SRRM1: variants seen among roughly 807,000 people sequenced by gnomAD.
The protein encoded by SRRM1 is serine and arginine repetitive matrix 1.
In SRRM1, 19 loss-of-function variants were observed where a neutral mutation model predicts 110.2. That is an observed-to-expected ratio of 0.17 (90% CI 0.12 to 0.25). The LOEUF (loss-of-function observed/expected upper bound fraction) is 0.25, where lower values mean the gene tolerates loss of function less well. Among genes scored for constraint, SRRM1 ranks in the 10% least tolerant of loss-of-function variants. The pLI, the probability that SRRM1 is intolerant of heterozygous loss-of-function variation, is 1.00. For missense variants in SRRM1, 918 were observed against 1,145.8 expected, an observed-to-expected ratio of 0.80 and a Z score of 2.87; for synonymous variants, 443 against 414.9, an observed-to-expected ratio of 1.07 and a Z score of -0.82.
intron 3 of SRRM1, 106 bp downstream of exon 3, chr1:24,646,895 C>A: frequency 1.1e-6 from 1 of 911,226 alleles, no homozygotes; most frequent in Non-Finnish European, 1.6e-6. Context: ...GGTTATTTTA[C>A]AATGTTTGTT....
chr1:24,654,328 A>G, intron 8 of SRRM1: 2 of 1,289,818 alleles, frequency 1.6e-6, no homozygotes, highest in Non-Finnish European at 2.0e-6. Context: ...TCTTCCGCCA[A>G]AGGTGAATTC....
At chr1:24,655,733 A>G (rs541677159) in intron 9 of SRRM1, among the ~76,000 whole-genome samples, 30 of 152,228 alleles carry the variant, frequency 2.0e-4, no homozygotes, top group African/African-American at 7.0e-4. Flanking sequence ...GTTGTGGTCT[A>G]TTGGGGTTTG....
intron 1 of SRRM1, among the ~76,000 whole-genome samples, chr1:24,644,223 T>A (rs557054310): frequency 4.6e-5 from 7 of 152,164 alleles, no homozygotes; most frequent in Middle Eastern, 3.2e-3. Context: ...GCCCACACTT[T>A]ATCAGGCTCG....
At chr1:24,652,029 A>AGTATATATATATATATATAT (rs1661006949) in intron 6 of SRRM1, among the ~76,000 whole-genome samples, 2 of 79,846 alleles carry the variant, frequency 2.5e-5, no homozygotes, top group African/African-American at 8.5e-5. Flanking sequence ...CTGTACTAAA[A>AGTATATATATATATATATAT]ATATATATAT....
chr1:24,663,299 CCTCAT>C (rs1668185689), intron 12 of SRRM1: 1 of 1,149,796 alleles, frequency 8.7e-7, no homozygotes, highest in Admixed American at 2.5e-5. Flanking sequence ...ATTTAGGTGA[CCTCAT>C]CTCATTCTTA....
intron 15 of SRRM1, among the ~76,000 whole-genome samples, chr1:24,670,544 C>T (rs1672190517): frequency 6.6e-6 from 1 of 152,190 alleles, no homozygotes; most frequent in Non-Finnish European, 1.5e-5. Flanking sequence ...GTCACCCACG[C>T]TGAGTGCAGT....
intron 3 of SRRM1, 58 bp downstream of exon 3, chr1:24,646,847 G>A: frequency 6.9e-7 from 1 of 1,444,794 alleles, no homozygotes; most frequent in South Asian, 1.4e-5. Context: ...GTGAATCTTT[G>A]GAAACTGAAT....
rs184533714 is a variant in SRRM1, at chr1:24,651,368, C to G, written c.522-41C>G. 5.2e-6 allele frequency: 8 copies of G among 1,531,334 alleles called. No individual in the cohort carries two copies. In the Admixed American group the frequency reaches 1.4e-4, roughly 27 times the overall value. The allele number at this position is 1,531,334 out of a possible 1,614,324, so 94.9% of individuals were successfully genotyped here. On this transcript the variant is annotated intron_variant, in intron 5 of 16. Coordinates refer to ENST00000323848, the MANE Select transcript of SRRM1 (RefSeq NM_005839.4). ...TCCCTTTGACTCCTCTCTTCCAATC[C>G]ATGTTATTTAAAAACCTGAAAAAAA...
chr1:24,646,352 CCT>C (rs1298276955), intron 2 of SRRM1, among the ~76,000 whole-genome samples: 2 of 151,946 alleles, frequency 1.3e-5, no homozygotes, highest in Admixed American at 1.3e-4. Flanking sequence ...ACGGTGAAAC[CCT>C]GTCTCTACTA....
At chr1:24,651,836 A>G (rs967942188) in intron 6 of SRRM1, among the ~76,000 whole-genome samples, 5 of 151,434 alleles carry the variant, frequency 3.3e-5, no homozygotes, top group African/African-American at 1.2e-4. Flanking sequence ...GGTATTTTAT[A>G]TATTGTAACT....
At chr1:24,662,943 C>G (rs925186982) in intron 12 of SRRM1, 139 bp downstream of exon 12, 1 of 1,251,926 alleles carries the variant, frequency 8.0e-7, no homozygotes. Flanking sequence ...TTTAGGGTTT[C>G]TGTTTTGTTT....
chr1:24,650,243 C>G (rs890843750), intron 5 of SRRM1, among the ~76,000 whole-genome samples, 157 bp downstream of exon 5: 2 of 152,216 alleles, frequency 1.3e-5, no homozygotes, highest in South Asian at 2.1e-4. Flanking sequence ...CTAAAGAAAT[C>G]TGTCATATTT....
chr1:24,644,782 ATT>A (rs1420939435), intron 1 of SRRM1, among the ~76,000 whole-genome samples: 3 of 152,244 alleles, frequency 2.0e-5, no homozygotes, highest in Non-Finnish European at 4.4e-5. Context: ...TGCAAGTAGT[ATT>A]TTGAAACAAG....
rs772457962 is a variant in SRRM1 at position 24,670,210 on chromosome 1, A to G, written c.2295A>G (p.Pro765=). 36 of 1,613,908 alleles carry G rather than the reference A, an allele frequency of 2.2e-5. No homozygotes were observed. The highest frequency in any genetic ancestry group is 2.9e-5 in the Non-Finnish European group (34 of 1,179,990). ...CTGAGCCAGCAGCTAAAAAGCCCCC[A>G]GCACCTCCATCCCCCGTCCAGTCTC... is the stretch of plus-strand genomic sequence containing the variant. ...GSPEPAAKKP[P]APPSPVQSQS... is the part of the protein sequence containing the mutation. The change falls in exon 15 of 17, where the codon CCA becomes CCG. Residue 765 remains proline (P), a synonymous_variant. Coordinates refer to ENST00000323848, the MANE Select transcript of SRRM1 (RefSeq NM_005839.4).
chr1:24,670,356 G>A (rs1557754342), intron 15 of SRRM1, 41 bp downstream of exon 15: 1 of 1,520,690 alleles, frequency 6.6e-7, no homozygotes, highest in Non-Finnish European at 8.9e-7. Context: ...TTATAAATAT[G>A]TATATGGTCA....
intron 8 of SRRM1, among the ~76,000 whole-genome samples, chr1:24,653,731 T>TA (rs1662389077): frequency 6.6e-6 from 1 of 152,320 alleles, no homozygotes; most frequent in East Asian, 1.9e-4. Flanking sequence ...CTACCCAAAG[T>TA]AGAGTCCTAG....
At chr1:24,657,412 G>C (rs1484755960) in intron 9 of SRRM1, among the ~76,000 whole-genome samples, 1 of 152,222 alleles carries the variant, frequency 6.6e-6, no homozygotes, top group South Asian at 2.1e-4. Context: ...ACTCTTCTTT[G>C]ATTGCTAAAG....
At chr1:24,666,127 A>G (rs906684572) in intron 12 of SRRM1, among the ~76,000 whole-genome samples, 2 of 152,216 alleles carry the variant, frequency 1.3e-5, no homozygotes, top group African/African-American at 2.4e-5. Flanking sequence ...TAAATCTCAC[A>G]TAAGCTTCCT....
At position 24,660,720 on chromosome 1, in the gene SRRM1, G is replaced by A. The variant is rs1557707410; in HGVS notation, c.1317G>A (p.Val439=). 1.3e-6 allele frequency: 2 copies of A among 1,546,770 alleles called. No homozygotes were observed. The highest frequency in any genetic ancestry group is 8.7e-7 in the Non-Finnish European group (1 of 1,149,026). The change falls in exon 10 of 17, where the codon GTG becomes GTA. Residue 439 remains valine, a splice_region_variant and synonymous_variant. Transcript: ENST00000323848. ...TTTTCCACTCTTATTCTTTTTTAGTGACAAAACATAAAGGTACTGAGAAAA... is the reference window on the plus strand; with the variant it reads ...TTTTCCACTCTTATTCTTTTTTAGTAACAAAACATAAAGGTACTGAGAAAA... ...SVSPGRTSGK[V]TKHKGTEKRE...
Sources: allele counts gnomAD v4.1 joint callset (sites outside exome capture counted in the v4.1 genomes callset), GRCh38; gene constraint gnomAD v4.1.1; transcripts MANE v1.5; gene names NCBI Gene and HGNC (gene_info 2026-07-23, HGNC 2026-07-21).